Variants in MIR2052HG observed in about 807,000 individuals in gnomAD.
MIR2052HG encodes MIR2052 host gene.
At chr8:74,641,094 T>C (rs1213057686) in intron 2 of MIR2052HG, among the ~76,000 whole-genome samples, 1 of 152,162 alleles carries the variant, frequency 6.6e-6, no homozygotes, top group African/African-American at 2.4e-5. Context: ...AATTACAAAA[T>C]TGTGTTTATC....
intron 2 of MIR2052HG, among the ~76,000 whole-genome samples, chr8:74,673,887 GTATATA>G (rs61228134): frequency 0.021 from 2,508 of 121,672 alleles, 106 homozygotes; most frequent in African/African-American, 0.052. Flanking sequence ...GTATTTTTTT[GTATATA>G]TATATATATA....
intron 4 of MIR2052HG, among the ~76,000 whole-genome samples, chr8:74,716,660 A>C (rs1809524503): frequency 6.6e-6 from 1 of 152,170 alleles, no homozygotes; most frequent in African/African-American, 2.4e-5. Context: ...CAGTGAGCCA[A>C]GATCATGCCA....
Position 74,618,987 on chromosome 8 carries a change from T to A in MIR2052HG, n.216+6047T>A, listed in dbSNP as rs368079212. Among the ~76,000 whole-genome samples the A allele has an allele frequency of 1.1e-4, 16 of 152,320 alleles. No individual in the cohort carries two copies. The South Asian group carries it at 2.3e-3, about 22-fold the overall frequency. The stretch of plus-strand genomic sequence containing the variant: ...CAACATACAAAAATCAATAACATTT[T>A]TATATGTTAACAATGAACTATTTGA... On this transcript the variant is annotated intron_variant and non_coding_transcript_variant, in intron 2 of 6. Transcript: ENST00000523442.
intron 2 of MIR2052HG, among the ~76,000 whole-genome samples, chr8:74,655,008 T>TTA (rs2128736449): frequency 6.6e-6 from 1 of 152,278 alleles, no homozygotes; most frequent in East Asian, 1.9e-4. Flanking sequence ...GTGGCTCTTG[T>TTA]TATGTTTTAG....
intron 2 of MIR2052HG, among the ~76,000 whole-genome samples, chr8:74,671,374 T>G (rs1808990843): frequency 6.6e-6 from 1 of 152,058 alleles, no homozygotes; most frequent in Non-Finnish European, 1.5e-5. Flanking sequence ...TTTGAGGTAT[T>G]TTTATACATA....
exon 4 of MIR2052HG, chr8:74,703,613 A>C (rs553371296): frequency 2.2e-6 from 1 of 452,042 alleles, no homozygotes; most frequent in South Asian, 1.6e-5. Flanking sequence ...CAGGTTGCTT[A>C]TTGAATATTA....
chr8:74,633,880 T>G (rs1808550208), intron 2 of MIR2052HG, among the ~76,000 whole-genome samples: 1 of 152,242 alleles, frequency 6.6e-6, no homozygotes, highest in African/African-American at 2.4e-5. Flanking sequence ...TCTGTAAACT[T>G]AAGAATGGTT....
intron 2 of MIR2052HG, among the ~76,000 whole-genome samples, chr8:74,642,928 T>C (rs905408146): frequency 6.6e-6 from 1 of 152,206 alleles, no homozygotes; most frequent in African/African-American, 2.4e-5. Flanking sequence ...GATAGTTTTA[T>C]CAGACAGGTA....
chr8:74,757,731 T>G (rs1810019409), intron 5 of MIR2052HG: 1 of 152,182 alleles, frequency 6.6e-6, no homozygotes, highest in African/African-American at 2.4e-5. Flanking sequence ...AAAGAGCTGA[T>G]ATACATATTA....
intron 1 of MIR2052HG, among the ~76,000 whole-genome samples, chr8:74,602,837 C>CTTTCTTTCTTTCTTTCTTTCTTTCTTTCT (rs1808031101): frequency 7.3e-5 from 10 of 137,930 alleles, no homozygotes; most frequent in Non-Finnish European, 9.3e-5. Flanking sequence ...TTCTTTCTTT[C>CTTTCTTTCTTTCTTTCTTTCTTTCTTTCT]TTTCTTTCTT....
At chr8:74,722,177 T>C (rs1184878343) in intron 4 of MIR2052HG, among the ~76,000 whole-genome samples, 1 of 152,024 alleles carries the variant, frequency 6.6e-6, no homozygotes, top group Non-Finnish European at 1.5e-5. Flanking sequence ...TAAAGCCCTG[T>C]CCCTTCCACC....
chr8:74,603,138 A>G (rs565674820), intron 1 of MIR2052HG: 1 of 670,154 alleles, frequency 1.5e-6, no homozygotes, highest in Non-Finnish European at 2.7e-6. Context: ...CACTTTAAGT[A>G]AAAAATCACG....
In MIR2052HG at chr8:74,752,233, C is replaced by A. The variant is rs192535968; in HGVS notation, n.372-208C>A. Among the ~76,000 whole-genome samples, 429 of 145,220 alleles carry A rather than the reference C, an allele frequency of 3.0e-3. 1 individual carries two copies. Among genetic ancestry groups the A allele is most frequent in the African/African-American group, 0.01 (394 of 39,164 alleles). On this transcript the variant is annotated intron_variant and non_coding_transcript_variant, in intron 4 of 6. Coordinates refer to ENST00000523442, the Ensembl canonical transcript of MIR2052HG. ...GGAGGTCGAGGCTACAGTGAGCCAT[C>A]ATCCCTCCACTTTATTCCAGCCTGG...
chr8:74,642,797 T>C (rs1344888728), intron 2 of MIR2052HG, among the ~76,000 whole-genome samples: 2 of 152,204 alleles, frequency 1.3e-5, no homozygotes, highest in African/African-American at 4.8e-5. Flanking sequence ...TTAAACAACC[T>C]GATGCTCACA....
intron 2 of MIR2052HG, among the ~76,000 whole-genome samples, chr8:74,664,272 A>G (rs1227143999): frequency 6.6e-6 from 1 of 152,126 alleles, no homozygotes; most frequent in African/African-American, 2.4e-5. Context: ...AAAGGGATTG[A>G]AATTTAAAAA....
chr8:74,666,746 C>T (rs1307349129), intron 2 of MIR2052HG, among the ~76,000 whole-genome samples: 1 of 152,216 alleles, frequency 6.6e-6, no homozygotes, highest in South Asian at 2.1e-4. Context: ...TACTCTCCCA[C>T]CAACAGTGTA....
intron 4 of MIR2052HG, among the ~76,000 whole-genome samples, chr8:74,717,719 G>T (rs1050389407): frequency 5.3e-5 from 8 of 151,636 alleles, no homozygotes; most frequent in Admixed American, 4.6e-4. Context: ...GGGGCAGGAG[G>T]ATTGCCTGAG....
At chr8:74,617,450 C>T (rs1402083813) in intron 2 of MIR2052HG, among the ~76,000 whole-genome samples, 1 of 112,078 alleles carries the variant, frequency 8.9e-6, no homozygotes, top group African/African-American at 3.8e-5. Flanking sequence ...AAGTAGTATT[C>T]CATTGGGTGT....
intron 1 of MIR2052HG, among the ~76,000 whole-genome samples, chr8:74,600,282 T>C (rs998790153): frequency 3.3e-5 from 5 of 151,814 alleles, no homozygotes; most frequent in African/African-American, 7.3e-5. Context: ...CTTTTCTTTT[T>C]TTTTTTTGAG....
Sources: gnomAD v4.1 joint callset for allele counts (sites outside exome capture counted in the v4.1 genomes callset) on GRCh38, gnomAD v4.1.1 for gene constraint, MANE v1.5 for transcripts, NCBI Gene and HGNC (gene_info 2026-07-23, HGNC 2026-07-21) for gene names.